The following GALNT2 variants were observed in gnomAD, a reference collection of about 807,000 sequenced individuals.
The protein encoded by GALNT2 is polypeptide N-acetylgalactosaminyltransferase 2, also known as UDP-GalNAc:polypeptide N-acetylgalactosaminyltransferase 2.
Under a neutral mutation model 81.4 loss-of-function variants are expected in GALNT2, and 31 were observed. That is an observed-to-expected ratio of 0.38 (90% CI 0.29 to 0.51). The LOEUF is 0.51. Ranked by LOEUF, GALNT2 falls within the 20% of genes least tolerant of loss-of-function variation. GALNT2 has a pLI of 0.87. For missense variants in GALNT2, 629 were observed against 765.7 expected (o/e 0.82, Z 2.11); for synonymous variants, 303 against 287.4 (o/e 1.05, Z -0.55).
At chr1:230,259,199 G>T (rs958109726) in intron 11 of GALNT2, 6 of 152,154 alleles carry the variant, frequency 3.9e-5, no homozygotes, top group African/African-American at 1.4e-4. Flanking sequence ...AAATGCTTGA[G>T]ACAAGAAATA....
At position 230,193,894 on chromosome 1, in the gene GALNT2, G is replaced by A. The variant is rs991729170; in HGVS notation, c.221-9243G>A. ...ACAGAGCTGATGCTGGCGGGGCCCCGAGCAGCCTTCCCGGGGCCTCAGTGC... is the reference window on the plus strand; with the variant it reads ...ACAGAGCTGATGCTGGCGGGGCCCCAAGCAGCCTTCCCGGGGCCTCAGTGC... On this transcript the variant is annotated intron_variant, in intron 2 of 15. Coordinates refer to ENST00000366672, the MANE Select transcript of GALNT2 (RefSeq NM_004481.5). This position sits in a 1 kb window ranked among gnomAD's most constrained non-coding sequence, Gnocchi z 4.3. 6.6e-6 allele frequency among the ~76,000 whole-genome samples: 1 copy of A among 152,050 alleles called. No individual in the cohort carries two copies. The highest frequency in any genetic ancestry group is 1.5e-5 in the Non-Finnish European group (1 of 68,000).
chr1:230,239,043 C>A (rs923585946), intron 6 of GALNT2, among the ~76,000 whole-genome samples: 2 of 151,886 alleles, frequency 1.3e-5, no homozygotes, highest in African/African-American at 4.8e-5. Context: ...TCTGCTGTTT[C>A]TTTTTGTGTC....
At chr1:230,105,550 A>T (rs890673013) in intron 1 of GALNT2, among the ~76,000 whole-genome samples, 3 of 152,156 alleles carry the variant, frequency 2.0e-5, no homozygotes, top group African/African-American at 7.2e-5. Flanking sequence ...CGGTTCAGTG[A>T]ACCGTGTTGC....
intron 1 of GALNT2, 79 bp from the exon 2 acceptor site, chr1:230,178,139 G>A (rs986975459): frequency 4.4e-6 from 5 of 1,147,054 alleles, no homozygotes; most frequent in African/African-American, 1.5e-5. Flanking sequence ...ACTCTCCTAA[G>A]ACTCGGTATG....
At chr1:230,153,190 AG>A (rs1330387173) in intron 1 of GALNT2, among the ~76,000 whole-genome samples, 1 of 152,180 alleles carries the variant, frequency 6.6e-6, no homozygotes, top group Non-Finnish European at 1.5e-5. Context: ...CAGTCTGTGG[AG>A]TAGCTGAGAC....
At chr1:230,258,286 A>G (rs970562855) in intron 11 of GALNT2, among the ~76,000 whole-genome samples, 2 of 149,964 alleles carry the variant, frequency 1.3e-5, no homozygotes, top group African/African-American at 2.5e-5. Flanking sequence ...CTGGAGTGCA[A>G]TGGCGTGATC....
At chr1:230,120,042 T>C (rs771593911) in intron 1 of GALNT2, among the ~76,000 whole-genome samples, 4 of 152,056 alleles carry the variant, frequency 2.6e-5, no homozygotes, top group Non-Finnish European at 5.9e-5. Flanking sequence ...CGGTTCGCTA[T>C]TGGGCTCAGG....
intron 1 of GALNT2, among the ~76,000 whole-genome samples, chr1:230,093,366 T>C (rs1660150044): frequency 6.6e-6 from 1 of 151,232 alleles, no homozygotes; most frequent in African/African-American, 2.5e-5. Flanking sequence ...CGTGGCCGTT[T>C]ATTTAAATCA....
At chr1:230,152,957 C>T (rs1012670593) in intron 1 of GALNT2, among the ~76,000 whole-genome samples, 5 of 152,258 alleles carry the variant, frequency 3.3e-5, no homozygotes, top group Admixed American at 3.3e-4. Flanking sequence ...ATCACTCCAT[C>T]TTTCTGTGCC....
At chr1:230,168,112 C>T (rs1044947271) in intron 1 of GALNT2, among the ~76,000 whole-genome samples, 43 of 152,188 alleles carry the variant, frequency 2.8e-4, no homozygotes, top group African/African-American at 9.6e-4. Context: ...TGTGCCACCC[C>T]CTGACTGGGG....
At chr1:230,175,767 C>G (rs1374331395) in intron 1 of GALNT2, among the ~76,000 whole-genome samples, 1 of 151,292 alleles carries the variant, frequency 6.6e-6, no homozygotes, top group Non-Finnish European at 1.5e-5. Flanking sequence ...GCCTGGGAGT[C>G]CAGAACAAAA....
intron 1 of GALNT2, among the ~76,000 whole-genome samples, chr1:230,118,216 C>A (rs55818535): frequency 0.033 from 5,020 of 152,234 alleles, 290 homozygotes; most frequent in African/African-American, 0.11. Flanking sequence ...TCTGGATATA[C>A]CACAGTTAAT....
At chr1:230,071,807 C>T (rs768144736) in intron 1 of GALNT2, among the ~76,000 whole-genome samples, 4 of 152,188 alleles carry the variant, frequency 2.6e-5, no homozygotes, top group Admixed American at 6.5e-5. Flanking sequence ...ACATAAACTT[C>T]TCTCTTTAAA....
At chr1:230,153,683 C>G (rs1662159759) in intron 1 of GALNT2, among the ~76,000 whole-genome samples, 1 of 152,212 alleles carries the variant, frequency 6.6e-6, no homozygotes, top group African/African-American at 2.4e-5. Context: ...ACCCAGAGGT[C>G]TCAGTTGTGA....
At chr1:230,147,119 G>T (rs1032769446) in intron 1 of GALNT2, among the ~76,000 whole-genome samples, 3 of 152,098 alleles carry the variant, frequency 2.0e-5, no homozygotes, top group African/African-American at 7.2e-5. Flanking sequence ...CTGGTGAGAT[G>T]TTGGGGATGA....
intron 3 of GALNT2, among the ~76,000 whole-genome samples, chr1:230,204,911 G>T (rs571019215): frequency 6.6e-6 from 1 of 152,168 alleles, no homozygotes; most frequent in Non-Finnish European, 1.5e-5. Context: ...AAGTGAGGTC[G>T]TGTAGCTCCA....
chr1:230,134,796 G>A (rs942419531), intron 1 of GALNT2, among the ~76,000 whole-genome samples: 4 of 152,182 alleles, frequency 2.6e-5, no homozygotes, highest in African/African-American at 9.7e-5. Context: ...CATCTCTCCC[G>A]TGTCATCTGC....
chr1:230,064,867 G>A (rs1411998906), upstream of GALNT2, among the ~76,000 whole-genome samples: 1 of 152,184 alleles, frequency 6.6e-6, no homozygotes, highest in Non-Finnish European at 1.5e-5. Flanking sequence ...GGCTTTGCAT[G>A]TTGCTGTTCA....
chr1:230,183,457 A>C (rs1663223091), intron 2 of GALNT2, among the ~76,000 whole-genome samples: 1 of 152,146 alleles, frequency 6.6e-6, no homozygotes, highest in African/African-American at 2.4e-5. Flanking sequence ...CTTAAAAAAA[A>C]ATTAGTTGGT....
Sources: gnomAD v4.1 joint callset for allele counts (sites outside exome capture counted in the v4.1 genomes callset) on GRCh38, gnomAD v4.1.1 for gene constraint, Gnocchi (gnomAD v3.1) non-coding constraint, MANE v1.5 for transcripts, NCBI Gene and HGNC (gene_info 2026-07-23, HGNC 2026-07-21) for gene names.